FRY: variants seen among roughly 807,000 people sequenced by gnomAD.
FRY encodes the protein protein furry homolog.
In FRY, 128 loss-of-function variants were observed where a neutral mutation model predicts 348.4. The observed-to-expected ratio is 0.37, with a 90% CI of 0.32 to 0.43. The LOEUF is 0.43. Among genes scored for constraint, FRY ranks in the 20% least tolerant of loss-of-function variants. The probability of loss-of-function intolerance (pLI) is 1.00; values close to 1 mark genes in which losing one functional copy is unlikely to be tolerated. For missense variants in FRY, 2,736 were observed against 3,695.2 expected (o/e 0.74, Z 6.73); for synonymous variants, 1,370 against 1,374.7 (o/e 1.00, Z 0.08).
chr13:32,103,762 C>T (rs1014154586), intron 3 of FRY, among the ~76,000 whole-genome samples: 6 of 152,040 alleles, frequency 3.9e-5, no homozygotes, highest in East Asian at 1.9e-4. Flanking sequence ...CCCAAGAGTT[C>T]GAGACCAGAC....
At chr13:32,190,303 C>T (rs1883265461) in intron 28 of FRY, among the ~76,000 whole-genome samples, 1 of 152,026 alleles carries the variant, frequency 6.6e-6, no homozygotes, top group Non-Finnish European at 1.5e-5. Context: ...CTATCAACAT[C>T]ATACTGGAGA....
At chr13:32,111,256 G>A (rs908968771) in intron 3 of FRY, among the ~76,000 whole-genome samples, 3 of 152,254 alleles carry the variant, frequency 2.0e-5, no homozygotes, top group East Asian at 1.9e-4. Context: ...AGGAGGCTGA[G>A]GCAGGTGGCT....
chr13:32,182,886 A>C (rs1882797433), intron 23 of FRY, 91 bp from the exon 24 acceptor site: 1 of 806,980 alleles, frequency 1.2e-6, no homozygotes, highest in East Asian at 2.4e-5. Context: ...GTAAAAAGCA[A>C]GTGATTTGGG....
At chr13:32,095,808 C>T (rs913150176) in intron 2 of FRY, among the ~76,000 whole-genome samples, 18 of 152,272 alleles carry the variant, frequency 1.2e-4, no homozygotes, top group African/African-American at 4.1e-4. Flanking sequence ...CTTAGATTTA[C>T]AGGTCTCTTT....
chr13:32,080,790 A>G (rs892932533), intron 2 of FRY, among the ~76,000 whole-genome samples: 1 of 152,166 alleles, frequency 6.6e-6, no homozygotes, highest in African/African-American at 2.4e-5. Context: ...GGTGAGGCAC[A>G]ATAAAGATTC....
chr13:32,089,638 G>A (rs1876119057), intron 2 of FRY, among the ~76,000 whole-genome samples: 1 of 152,146 alleles, frequency 6.6e-6, no homozygotes. Flanking sequence ...AGCCAGGCGT[G>A]GTGGCACATG....
chr13:32,267,130 G>A (rs754339412), intron 54 of FRY, 40 bp from the exon 55 acceptor site: 30 of 1,560,012 alleles, frequency 1.9e-5, no homozygotes, highest in Middle Eastern at 3.4e-4. Context: ...AGGATGAGAA[G>A]GACATCACTT....
chr13:32,291,948 T>C, intron 59 of FRY: 3 of 450,824 alleles, frequency 6.7e-6, no homozygotes, highest in South Asian at 4.7e-5. Context: ...AGTTGCTTCT[T>C]ATGCATGAAC....
At chr13:32,213,054 C>T (rs915206049) in intron 35 of FRY, among the ~76,000 whole-genome samples, 12 of 152,114 alleles carry the variant, frequency 7.9e-5, no homozygotes, top group African/African-American at 2.4e-4. Flanking sequence ...ATGATCCTCA[C>T]GGTGCTTCAG....
intron 13 of FRY, among the ~76,000 whole-genome samples, chr13:32,148,788 A>AT (rs1880616554): frequency 6.6e-6 from 1 of 152,184 alleles, no homozygotes; most frequent in Admixed American, 6.5e-5. Flanking sequence ...ATACTGATAT[A>AT]AAGTGTAAGG....
At chr13:32,280,156 G>A (rs1888740214) in intron 58 of FRY, among the ~76,000 whole-genome samples, 1 of 152,138 alleles carries the variant, frequency 6.6e-6, no homozygotes, top group African/African-American at 2.4e-5. Flanking sequence ...CTTATCCAAG[G>A]CTCCATGGTT....
chr13:32,051,641 A>G (rs917018450), intron 1 of FRY, among the ~76,000 whole-genome samples: 3 of 152,226 alleles, frequency 2.0e-5, no homozygotes, highest in Non-Finnish European at 4.4e-5. Context: ...CAATTTTTCA[A>G]TTCAATTTTA....
chr13:32,119,373 G>A (rs1315469731), intron 4 of FRY, among the ~76,000 whole-genome samples: 1 of 152,196 alleles, frequency 6.6e-6, no homozygotes, highest in Non-Finnish European at 1.5e-5. Flanking sequence ...AAATAAATCT[G>A]TCAAATGTCT....
rs577820940 is a variant in FRY, at chr13:32,265,463, G to A, written c.7793G>A (p.Arg2598His). 45 of 1,613,942 alleles carry A rather than the reference G, an allele frequency of 2.8e-5. No homozygotes were observed. The Middle Eastern group carries it at 1.5e-3, about 53-fold the overall frequency. The change falls in exon 54 of 61, where the codon CGT (arginine) becomes CAT (histidine). Residue 2598 changes from arginine (R) to histidine (H), a missense_variant. Transcript: ENST00000542859. ...TTATTCTTCCAGGCTGAAGCTGTTC[G>A]TGAGGAGGAGGACACCACCGTGCAT... The part of the protein sequence containing the change: ...ISEGSKAEAV[R>H]EEEDTTVHED...
chr13:32,291,950 T>C (rs1241453850), intron 59 of FRY: 2 of 451,454 alleles, frequency 4.4e-6, no homozygotes, highest in Non-Finnish European at 8.9e-6. Flanking sequence ...TTGCTTCTTA[T>C]GCATGAACAA....
In FRY at chr13:32,060,024, G is replaced by A. The variant is rs527769597; in HGVS notation, c.71-18810G>A. Among the ~76,000 whole-genome samples, 7 of 152,262 alleles carry A rather than the reference G, an allele frequency of 4.6e-5. No individual in the cohort carries two copies. The East Asian group carries it at 1.3e-3, about 29-fold the overall frequency. ...TTCTTTCTTCCTGTGAATTGTTTCA[G>A]TTCATCAGTCAATTCTCCTTCCATG... is the stretch of plus-strand genomic sequence containing the variant. On this transcript the variant is annotated intron_variant, in intron 1 of 60. Coordinates refer to ENST00000542859, the MANE Select transcript of FRY (RefSeq NM_023037.3).
At chr13:32,182,508 G>A (rs181557127) in intron 23 of FRY, among the ~76,000 whole-genome samples, 175 of 152,284 alleles carry the variant, frequency 1.1e-3, no homozygotes, top group African/African-American at 3.6e-3. Context: ...CAGCACTGTG[G>A]TAATTGCACC....
intron 29 of FRY, among the ~76,000 whole-genome samples, chr13:32,200,704 AT>A (rs1388144580): frequency 6.6e-6 from 1 of 152,236 alleles, no homozygotes; most frequent in Admixed American, 6.5e-5. Context: ...TTTAAATAGA[AT>A]TACATAGCAA....
chr13:32,258,034 A>G (rs553070988), intron 51 of FRY: 4 of 1,302,064 alleles, frequency 3.1e-6, no homozygotes, highest in South Asian at 1.2e-5. Context: ...TTGCAGATTT[A>G]TAACAACATA....
Sources: gnomAD v4.1 joint callset for allele counts (sites outside exome capture counted in the v4.1 genomes callset) on GRCh38, gnomAD v4.1.1 for gene constraint, MANE v1.5 for transcripts, NCBI Gene and HGNC (gene_info 2026-07-23, HGNC 2026-07-21) for gene names.